Variants in GBP3 observed in about 807,000 individuals in gnomAD.
GBP3 encodes guanylate binding protein 3.
Under a neutral mutation model 62.4 loss-of-function variants are expected in GBP3, and 55 were observed. The ratio of observed to expected loss-of-function variants is 0.88; its 90% CI spans 0.71 to 1.10. GBP3 has a LOEUF of 1.10. Ranked by LOEUF, GBP3 falls within the 50% of genes least tolerant of loss-of-function variation. The probability of loss-of-function intolerance (pLI) is 0.00; values close to 1 mark genes in which losing one functional copy is unlikely to be tolerated. For missense variants in GBP3, 605 were observed against 690.6 expected, an observed-to-expected ratio of 0.88 and a Z score of 1.39; for synonymous variants, 208 against 259.2, an observed-to-expected ratio of 0.80 and a Z score of 1.90.
intron 2 of GBP3, among the ~76,000 whole-genome samples, chr1:89,017,681 T>C (rs1678958535): frequency 6.6e-6 from 1 of 152,168 alleles, no homozygotes; most frequent in African/African-American, 2.4e-5. Context: ...GAATGGCCAA[T>C]AAGCACCTGA....
rs61766157 is a variant in GBP3 at position 89,021,514 on chromosome 1, A to G, written c.-22-771T>C. 6.0e-3 allele frequency among the ~76,000 whole-genome samples: 549 copies of G among 91,686 alleles called. 2 individuals carry two copies. Among genetic ancestry groups the G allele is most frequent in the African/African-American group, 0.015 (458 of 29,962 alleles). 60.1% of individuals were successfully genotyped at this position (91,686 alleles called of 152,430 possible). On this transcript the variant is annotated intron_variant, in intron 1 of 10. Coordinates refer to ENST00000370481, the MANE Select transcript of GBP3 (RefSeq NM_018284.3). ...GAAACACGCATGCGCGCGCGCGCAC[A>G]CACACACACACACACACACACACAC...
Position 89,010,937 on chromosome 1 carries a change from T to C in GBP3, c.1329A>G (p.Lys443=). The change falls in exon 8 of 11, where the codon AAA becomes AAG. Residue 443 remains lysine (K), a synonymous_variant. Coordinates refer to ENST00000370481, the MANE Select transcript of GBP3 (RefSeq NM_018284.3). ...CCTTCCTTGGTTCCTCATAGTACTT[T>C]TTCTCCAGGTCTTGTAGCTTCTGAA... The part of the protein sequence containing the change: ...LFIQKLQDLE[K]KYYEEPRKGI... 1 of 1,461,786 alleles carries C rather than the reference T, an allele frequency of 6.8e-7. No individual in the cohort carries two copies. Among genetic ancestry groups the C allele is most frequent in the Non-Finnish European group, 9.5e-7 (1 of 1,055,202 alleles). 90.6% of individuals were successfully genotyped at this position (1,461,786 alleles called of 1,614,324 possible).
Position 89,020,730 on chromosome 1 carries a change from C to T in GBP3, c.-9G>A. The T allele has an allele frequency of 6.2e-7, 1 of 1,611,988 alleles. No individual in the cohort carries two copies. The highest frequency in any genetic ancestry group is 1.3e-5 in the African/African-American group (1 of 74,950). On this transcript the variant is annotated 5_prime_UTR_variant, in exon 2 of 11. An upstream start codon of the reference 5' UTR is lost. Transcript: ENST00000370481. ...TGGATCTCTGGAGCCATGTCCAGGG[C>T]ATTGTTCTCTTGTCTGCAAGGGAAG...
chr1:89,011,395 T>C lies in GBP3; in HGVS notation c.1150-279A>G, dbSNP rs570797205. Among the ~76,000 whole-genome samples the C allele has an allele frequency of 2.1e-5, 3 of 139,680 alleles. 1 individual carries two copies. The South Asian group carries it at 7.0e-4, about 33-fold the overall frequency. The allele number at this position is 139,680 out of a possible 152,430, so 91.6% of individuals were successfully genotyped here. A position where few individuals can be genotyped will look rare whatever the true frequency, so the allele number is the denominator to read the frequency against. ...GACTAATGATTTCATATGGAATAAA[T>C]GTGGCTGAACAGAAGCCTGCTCAAG... On this transcript the variant is annotated intron_variant, in intron 7 of 10. Transcript: ENST00000370481.
chr1:89,012,018 C>T lies in GBP3; in HGVS notation c.878G>A (p.Ser293Asn). The change falls in exon 7 of 11, where the codon AGC becomes AAC. Residue 293 changes from serine to asparagine, a missense_variant. Physicochemically the swap from Ser to Asn is conservative, Grantham distance 46 (BLOSUM62 1). This residue lies in a region of GBP3 where 137 missense variants were observed against 224.7 expected (regional missense o/e 0.61). Transcript: ENST00000370481. The part of the protein sequence containing the change: ...GIKVNGPRLE[S>N]LVLTYINAIS... ...AGCATTGATATAGGTCAGCACTAGG[C>T]TCTCTAGACCTACATACAAAGAAGA... 1 of 1,460,520 alleles carries T rather than the reference C, an allele frequency of 6.8e-7. No homozygotes were observed. Among genetic ancestry groups the T allele is most frequent in the Non-Finnish European group, 9.5e-7 (1 of 1,053,686 alleles). The allele number at this position is 1,460,520 out of a possible 1,614,324, so 90.5% of individuals were successfully genotyped here.
intron 2 of GBP3, among the ~76,000 whole-genome samples, chr1:89,016,382 G>A (rs538380599): frequency 1.3e-5 from 2 of 152,154 alleles, no homozygotes; most frequent in South Asian, 4.2e-4. Flanking sequence ...AGCTGGGTGT[G>A]GTGGCGGGCA....
In GBP3 at chr1:89,014,063, C is replaced by T; in HGVS notation, c.625+20G>A. The stretch of plus-strand genomic sequence containing the variant: ...CTAGTGTTTTGTCGTCCTCATTTAT[C>T]AATGGTACGTCTCTGTTACCTTGCG... On this transcript the variant is annotated intron_variant, in intron 5 of 10. Coordinates refer to ENST00000370481, the MANE Select transcript of GBP3 (RefSeq NM_018284.3). The T allele has an allele frequency of 6.2e-7, 1 of 1,609,564 alleles. No homozygotes were observed. The highest frequency in any genetic ancestry group is 1.1e-5 in the South Asian group (1 of 90,882).
chr1:89,010,411 C>T (rs60788429), intron 8 of GBP3, among the ~76,000 whole-genome samples: 32,816 of 136,954 alleles, frequency 0.24, 8,169 homozygotes, highest in East Asian at 0.46. Flanking sequence ...TGAGCCACTG[C>T]GCCCGGCCTA....
Position 89,007,801 on chromosome 1 carries a change from G to C in GBP3, c.1711C>G (p.Gln571Glu), listed in dbSNP as rs1467079532. The change falls in exon 11 of 11, where the codon CAA (glutamine) becomes GAA (glutamate). Residue 571 changes from glutamine to glutamate, a missense_variant. Physicochemically the swap from Gln to Glu is conservative, Grantham distance 29. Around this residue, in one of 3 missense-constraint regions of GBP3, gnomAD observed 160 missense variants for 147.8 expected, o/e 1.08. Transcript: ENST00000370481. ...TTCTGTAGCTTTTGTATCTCATTTT[G>C]AAGTTGGGTACTTTCACCTTGGCAT... is the stretch of plus-strand genomic sequence containing the variant. Reference protein sequence around the residue: ...ERCQGESTQLQNEIQKLQKTL... With the variant: ...ERCQGESTQLENEIQKLQKTL... 4 of 1,612,262 alleles carry C rather than the reference G, an allele frequency of 2.5e-6. No homozygotes were observed. The highest frequency in any genetic ancestry group is 3.4e-6 in the Non-Finnish European group (4 of 1,179,006).
Position 89,007,838 on chromosome 1 carries a change from T to A in GBP3, c.1674A>T (p.Val558=), listed in dbSNP as rs747457594. ...TTTCACCTTGGCATCTCTCCTTTAGTACTCGGGCCTGTTCCTAAAAAGGGA... is the reference window on the plus strand; with the variant it reads ...TTTCACCTTGGCATCTCTCCTTTAGAACTCGGGCCTGTTCCTAAAAAGGGA... ...LTSKLQEQAR[V]LKERCQGEST... is the part of the protein sequence containing the mutation. The change falls in exon 11 of 11, where the codon GTA becomes GTT. Residue 558 remains valine (V), a synonymous_variant. Transcript: ENST00000370481. 2 of 1,613,334 alleles carry A rather than the reference T, an allele frequency of 1.2e-6. No individual in the cohort carries two copies. The highest frequency in any genetic ancestry group is 2.2e-5 in the East Asian group (1 of 44,854).
rs542994366 is a variant in GBP3, at chr1:89,015,898, C to T, written c.191-484G>A. ...AATATGGGAACAAGGAAAAGATGCC[C>T]ACTTTTGCCACTTCTTTTCCACAAA... is the stretch of plus-strand genomic sequence containing the variant. On this transcript the variant is annotated intron_variant, in intron 2 of 10. Coordinates refer to ENST00000370481, the MANE Select transcript of GBP3 (RefSeq NM_018284.3). Among the ~76,000 whole-genome samples, 16 of 152,188 alleles carry T rather than the reference C, an allele frequency of 1.1e-4. No homozygotes were observed. In the East Asian group the frequency reaches 3.1e-3, roughly 29 times the overall value.
At chr1:89,020,455 C>G (rs1446036850) in intron 2 of GBP3, 77 bp downstream of exon 2, 1 of 1,559,244 alleles carries the variant, frequency 6.4e-7, no homozygotes, top group East Asian at 2.2e-5. Context: ...AGCTTTCTCT[C>G]CTCACATCCT....
At position 89,020,469 on chromosome 1, in the gene GBP3, A is replaced by G. The variant is rs757221466; in HGVS notation, c.190+63T>C. On this transcript the variant is annotated intron_variant, in intron 2 of 10. Coordinates refer to ENST00000370481, the MANE Select transcript of GBP3 (RefSeq NM_018284.3). Reference sequence around the variant, plus strand: ...CAGCTTTCTCTCCTCACATCCTCATAATGGATGCTGACTGTGTTGGGGGAC... The same window carrying G: ...CAGCTTTCTCTCCTCACATCCTCATGATGGATGCTGACTGTGTTGGGGGAC... 3.1e-6 allele frequency: 5 copies of G among 1,589,306 alleles called. No homozygotes were observed. The Admixed American group carries it at 8.4e-5, about 27-fold the overall frequency.
In GBP3 at chr1:89,009,499, G is replaced by A. The variant is rs1335669366; in HGVS notation, c.1363-5C>T. On this transcript the variant is annotated splice_polypyrimidine_tract_variant and splice_region_variant and intron_variant, in intron 8 of 10. Transcript: ENST00000370481. ...TGTCTGCAGAATCTCTTCAGCCTTAGGACCCAGAGAACACAGAGTGAGAAG... is the reference window on the plus strand; with the variant it reads ...TGTCTGCAGAATCTCTTCAGCCTTAAGACCCAGAGAACACAGAGTGAGAAG... 3 of 1,613,612 alleles carry A rather than the reference G, an allele frequency of 1.9e-6. No homozygotes were observed. In the African/African-American group the frequency reaches 4.0e-5, roughly 22 times the overall value.
chr1:89,020,283 G>A (rs1679110556), intron 2 of GBP3: 3 of 550,932 alleles, frequency 5.4e-6, no homozygotes, highest in Non-Finnish European at 6.6e-6. Flanking sequence ...TGAGAAGGGT[G>A]AGGAGAAAGA....
rs764004467 is a variant in GBP3 at position 89,020,461 on chromosome 1, A to G, written c.190+71T>C. 3 of 1,580,136 alleles carry G rather than the reference A, an allele frequency of 1.9e-6. No homozygotes were observed. The Admixed American group carries it at 5.0e-5, about 27-fold the overall frequency. ...CCCAGTGCCAGCTTTCTCTCCTCAC[A>G]TCCTCATAATGGATGCTGACTGTGT... On this transcript the variant is annotated intron_variant, in intron 2 of 10. Transcript: ENST00000370481.
rs1479050818 is a variant in GBP3 at position 89,007,412 on chromosome 1, G to T, written c.*312C>A. Reference sequence around the variant, plus strand: ...CCATTGTACACTTGGCCAAACCAGTGCCCAAATATGTCCCAAGATTTTTAC... The same window carrying T: ...CCATTGTACACTTGGCCAAACCAGTTCCCAAATATGTCCCAAGATTTTTAC... On this transcript the variant is annotated 3_prime_UTR_variant, in exon 11 of 11. Transcript: ENST00000370481. 3 of 245,934 alleles carry T rather than the reference G, an allele frequency of 1.2e-5. No individual in the cohort carries two copies. The highest frequency in any genetic ancestry group is 2.4e-5 in the Non-Finnish European group (3 of 127,382). 15.2% of individuals were successfully genotyped at this position (245,934 alleles called of 1,614,324 possible).
chr1:89,014,713 A>G (rs1201746537), intron 3 of GBP3, 57 bp from the exon 4 acceptor site: 27 of 1,605,512 alleles, frequency 1.7e-5, no homozygotes, highest in Non-Finnish European at 2.2e-5. Context: ...AGCACTTTCC[A>G]GAGTGACAGT....
chr1:89,021,499 T>TGCGCGCGCGCGCGCGCGC (rs143944083), intron 1 of GBP3, among the ~76,000 whole-genome samples: 1 of 119,054 alleles, frequency 8.4e-6, no homozygotes, highest in African/African-American at 3.1e-5. Context: ...GAAACACGCA[T>TGCGCGCGCGCGCGCGCGC]GCGCGCGCGC....
Sources: gnomAD v4.1 joint callset for allele counts (sites outside exome capture counted in the v4.1 genomes callset) on GRCh38, gnomAD v4.1.1 for gene constraint, gnomAD v4.1.1 regional missense constraint, MANE v1.5 for transcripts, NCBI Gene and HGNC (gene_info 2026-07-23, HGNC 2026-07-21) for gene names.